Variants in DNAJC5B observed in about 807,000 individuals in gnomAD.
The protein encoded by DNAJC5B is DnaJ heat shock protein family (Hsp40) member C5 beta.
Under a neutral mutation model 24.7 loss-of-function variants are expected in DNAJC5B, and 23 were observed. That is an observed-to-expected ratio of 0.93 (90% confidence interval 0.67 to 1.32). The LOEUF is 1.32. DNAJC5B is among the 40% of genes most tolerant of loss of function. DNAJC5B has a pLI of 0.00. For synonymous variants in DNAJC5B, 101 were observed against 90.1 expected, an observed-to-expected ratio of 1.12 and a Z score of -0.68; for missense variants, 238 against 240.8, an observed-to-expected ratio of 0.99 and a Z score of 0.08.
chr8:66,031,515 G>A (rs1457162335), intron 1 of DNAJC5B, among the ~76,000 whole-genome samples: 1 of 152,190 alleles, frequency 6.6e-6, no homozygotes, highest in Non-Finnish European at 1.5e-5. Context: ...ACCAGTAGGA[G>A]AGATGGATAT....
rs558951921 is a variant in DNAJC5B at position 66,061,963 on chromosome 8, G to T, written c.119+10297G>T. ...TCGGGGAGTGGCAGCCTGTGGGGGCGCAGCCGAGCCCCTTCCTGAGGGCTT... is the reference window on the plus strand; with the variant it reads ...TCGGGGAGTGGCAGCCTGTGGGGGCTCAGCCGAGCCCCTTCCTGAGGGCTT... On this transcript the variant is annotated intron_variant, in intron 3 of 5. Transcript: ENST00000276570. Among the ~76,000 whole-genome samples the T allele has an allele frequency of 8.6e-5, 13 of 151,854 alleles. No homozygotes were observed. In the South Asian group the frequency reaches 2.7e-3, roughly 32 times the overall value.
At chr8:66,056,809 T>G (rs1303209129) in intron 3 of DNAJC5B, 2 of 152,222 alleles carry the variant, frequency 1.3e-5, no homozygotes, top group Admixed American at 1.3e-4. Context: ...TGTGCTGAGA[T>G]GAACCAGATG....
At chr8:66,079,991 C>T (rs978681583) in intron 4 of DNAJC5B, among the ~76,000 whole-genome samples, 19 of 152,036 alleles carry the variant, frequency 1.2e-4, no homozygotes, top group Non-Finnish European at 2.9e-5. Flanking sequence ...TGATTCAGCT[C>T]CCCTGGGCAG....
Position 66,039,346 on chromosome 8 carries a change from C to CTT in DNAJC5B, c.-141-4124_-141-4123dup, listed in dbSNP as rs59355860. 3.6e-3 allele frequency among the ~76,000 whole-genome samples: 469 copies of CTT among 130,572 alleles called. 1 individual carries two copies. The highest frequency in any genetic ancestry group is 7.7e-3 in the Admixed American group (98 of 12,672). The allele number at this position is 130,572 out of a possible 152,430, so 85.7% of individuals were successfully genotyped here. A position where few individuals can be genotyped will look rare whatever the true frequency, so the allele number is the denominator to read the frequency against. ...AGTGCATAAAAACACCCACTTCATA[C>CTT]TTTTTTTTTTTTTTTTTTTGAGATG... On this transcript the variant is annotated intron_variant, in intron 1 of 5. Transcript: ENST00000276570.
At chr8:66,083,003 CTTTTTTTTTTTTT>C (rs765749597) in intron 5 of DNAJC5B, among the ~76,000 whole-genome samples, 72 of 86,726 alleles carry the variant, frequency 8.3e-4, no homozygotes, top group African/African-American at 3.3e-3. Context: ...CTTTTCTTTT[CTTTTTTTTTTTTT>C]TTTTTTTTTT....
rs116446122 is a variant in DNAJC5B at position 66,033,829 on chromosome 8, G to C, written c.-141-9659G>C. Among the ~76,000 whole-genome samples the C allele has an allele frequency of 5.6e-3, 713 of 128,230 alleles. 4 individuals are homozygous for C. Among genetic ancestry groups the C allele is most frequent in the African/African-American group, 8.4e-3 (277 of 33,062 alleles). The allele number at this position is 128,230 out of a possible 152,430, so 84.1% of individuals were successfully genotyped here. A position where few individuals can be genotyped will look rare whatever the true frequency, so the allele number is the denominator to read the frequency against. On this transcript the variant is annotated intron_variant, in intron 1 of 5. Coordinates refer to ENST00000276570, the MANE Select transcript of DNAJC5B (RefSeq NM_033105.6). Reference sequence around the variant, plus strand: ...AGGGTAAATAAACTTTAGATGCCTTGAGAGCAATTGAATCATAGTTGAGAA... The same window carrying C: ...AGGGTAAATAAACTTTAGATGCCTTCAGAGCAATTGAATCATAGTTGAGAA...
At chr8:66,029,921 T>G (rs1806324523) in intron 1 of DNAJC5B, among the ~76,000 whole-genome samples, 1 of 152,120 alleles carries the variant, frequency 6.6e-6, no homozygotes, top group African/African-American at 2.4e-5. Context: ...AGAAGACACT[T>G]CCAGTTGATA....
chr8:66,033,770 C>CTTTTTTTTTT (rs765814272), intron 1 of DNAJC5B, among the ~76,000 whole-genome samples: 1 of 105,394 alleles, frequency 9.5e-6, no homozygotes, highest in African/African-American at 4.0e-5. Flanking sequence ...GATCATTCCG[C>CTTTTTTTTTT]TTTTTTTTTT....
In DNAJC5B at chr8:66,099,944, C is replaced by G; in HGVS notation, c.513C>G (p.Asp171Glu). ...QIKSDMEKDV[D>E]FPVFLQPTNA... ...TGCTTTGTTTATTTTTAGATGTGGA[C>G]TTTCCAGTTTTTCTCCAGCCTACAA... Residue 171 changes from aspartate to glutamate, a missense_variant, in exon 6 of 6, where the codon GAC becomes GAG. Physicochemically the swap from Asp to Glu is conservative, Grantham distance 45 (BLOSUM62 2). Transcript: ENST00000276570. 1 of 1,613,762 alleles carries G rather than the reference C, an allele frequency of 6.2e-7. No individual in the cohort carries two copies. Among genetic ancestry groups the G allele is most frequent in the Non-Finnish European group, 8.5e-7 (1 of 1,179,796 alleles).
At chr8:66,095,658 G>GACACACACACAC (rs10566337) in intron 5 of DNAJC5B, among the ~76,000 whole-genome samples, 5 of 146,638 alleles carry the variant, frequency 3.4e-5, no homozygotes, top group East Asian at 2.0e-4. Context: ...ACTTTAGCTT[G>GACACACACACAC]ACACACACAC....
chr8:66,048,690 G>A (rs1806778477), intron 2 of DNAJC5B, among the ~76,000 whole-genome samples: 1 of 152,086 alleles, frequency 6.6e-6, no homozygotes, highest in Non-Finnish European at 1.5e-5. Flanking sequence ...GACCAAGAAA[G>A]TCACTGGCCA....
chr8:66,029,040 G>T lies in DNAJC5B; in HGVS notation c.-142+7335G>T, dbSNP rs557881481. On this transcript the variant is annotated intron_variant, in intron 1 of 5. Coordinates refer to ENST00000276570, the MANE Select transcript of DNAJC5B (RefSeq NM_033105.6). The stretch of plus-strand genomic sequence containing the variant: ...TTCCAGCTTGCCCAATACTTTTCTT[G>T]CCTCCATGGTCTTGCTCATGCAATT... 3.5e-3 allele frequency among the ~76,000 whole-genome samples: 535 copies of T among 152,140 alleles called. 3 individuals are homozygous for T. Among genetic ancestry groups the T allele is most frequent in the Non-Finnish European group, 5.9e-3 (404 of 67,994 alleles).
intron 5 of DNAJC5B, among the ~76,000 whole-genome samples, chr8:66,088,791 G>T (rs6983227): frequency 6.6e-6 from 1 of 151,918 alleles, no homozygotes. Context: ...CCTCATCTCC[G>T]TCTGAGACCA....
chr8:66,073,227 T>G (rs376720328), intron 3 of DNAJC5B, among the ~76,000 whole-genome samples: 20 of 151,940 alleles, frequency 1.3e-4, no homozygotes, highest in South Asian at 8.3e-4. Context: ...AACATAAAAA[T>G]AGAAAAAAAT....
At chr8:66,090,948 G>A (rs1414458588) in intron 5 of DNAJC5B, among the ~76,000 whole-genome samples, 2 of 152,174 alleles carry the variant, frequency 1.3e-5, no homozygotes, top group Non-Finnish European at 2.9e-5. Context: ...TATCAAGCAA[G>A]CACCATCAAG....
At chr8:66,021,102 T>C (rs1806110293), upstream of DNAJC5B, among the ~76,000 whole-genome samples, 1 of 152,222 alleles carries the variant, frequency 6.6e-6, no homozygotes, top group African/African-American at 2.4e-5. Context: ...CTGGCACCTG[T>C]GTTGCTGGGG....
At chr8:66,066,472 A>T (rs1306466834) in intron 3 of DNAJC5B, among the ~76,000 whole-genome samples, 1 of 152,240 alleles carries the variant, frequency 6.6e-6, no homozygotes, top group East Asian at 1.9e-4. Context: ...AAGATACAGA[A>T]GCAACCTAAG....
At chr8:66,097,526 CAT>C (rs1404036086) in intron 5 of DNAJC5B, among the ~76,000 whole-genome samples, 3 of 151,452 alleles carry the variant, frequency 2.0e-5, no homozygotes, top group Non-Finnish European at 4.4e-5. Context: ...GTTTTACTGA[CAT>C]ATTTTCTGGG....
intron 1 of DNAJC5B, among the ~76,000 whole-genome samples, chr8:66,035,784 A>G (rs1806470805): frequency 1.3e-5 from 2 of 152,154 alleles, no homozygotes; most frequent in African/African-American, 4.8e-5. Context: ...ACCCTGTCAC[A>G]GCCTCATGTT....
Sources: allele counts gnomAD v4.1 joint callset (sites outside exome capture counted in the v4.1 genomes callset), GRCh38; gene constraint gnomAD v4.1.1; transcripts MANE v1.5; gene names NCBI Gene and HGNC (gene_info 2026-07-23, HGNC 2026-07-21).